ZNF689: variants seen among roughly 807,000 people sequenced by gnomAD.
ZNF689 encodes the protein zinc finger protein 689.
Under a neutral mutation model 37.2 loss-of-function variants are expected in ZNF689, and 14 were observed. The ratio of observed to expected loss-of-function variants is 0.38; its 90% CI spans 0.25 to 0.59. The LOEUF is 0.59. ZNF689 is among the 20% of genes least tolerant of loss of function. The probability of loss-of-function intolerance (pLI) is 0.68; values close to 1 mark genes in which losing one functional copy is unlikely to be tolerated. For missense variants in ZNF689, 573 were observed against 700.2 expected, an observed-to-expected ratio of 0.82 and a Z score of 2.05; for synonymous variants, 277 against 283.3, an observed-to-expected ratio of 0.98 and a Z score of 0.22.
intron 2 of ZNF689, among the ~76,000 whole-genome samples, chr16:30,607,947 G>T (rs2151245744): frequency 6.6e-6 from 1 of 152,328 alleles, no homozygotes; most frequent in East Asian, 1.9e-4. Flanking sequence ...GGGCAACAGA[G>T]CAAGACTCCG....
chr16:30,605,101 C>T lies in ZNF689; in HGVS notation c.666G>A (p.Gln222=). The change falls in exon 3 of 3, where the codon CAG becomes CAA. Residue 222 remains glutamine (Q), a synonymous_variant. Coordinates refer to ENST00000287461, the MANE Select transcript of ZNF689 (RefSeq NM_138447.3). The surrounding 1 kb of genome is among the most constrained non-coding windows in gnomAD (Gnocchi z 5.1). ...TCTCCCCTGTATGGATGACCTGGTG[C>T]TGGGAGAGGTTCTTGCGCTGGGAGA... ...KRFSQRKNLS[Q]HQVIHTGEKP... 6.2e-7 allele frequency: 1 copy of T among 1,614,088 alleles called. No homozygotes were observed. The highest frequency in any genetic ancestry group is 1.3e-5 in the African/African-American group (1 of 75,008).
Position 30,606,788 on chromosome 16 carries a change from T to G in ZNF689, c.320-1341A>C, listed in dbSNP as rs549937517. 2.0e-5 allele frequency among the ~76,000 whole-genome samples: 3 copies of G among 150,934 alleles called. No individual in the cohort carries two copies. In the East Asian group the frequency reaches 6.1e-4, roughly 31 times the overall value. On this transcript the variant is annotated intron_variant, in intron 2 of 2. Coordinates refer to ENST00000287461, the MANE Select transcript of ZNF689 (RefSeq NM_138447.3). ...AAGTGACTACAGGCGTGAGCCACCA[T>G]GCCCAGCTCACCTTTCTTATACAAA...
rs528245929 is a variant in ZNF689 at position 30,604,286 on chromosome 16, C to T, written c.1481G>A (p.Ser494Asn). 6.2e-7 allele frequency: 1 copy of T among 1,614,150 alleles called. No homozygotes were observed. The highest frequency in any genetic ancestry group is 8.5e-7 in the Non-Finnish European group (1 of 1,180,030). Residue 494 changes from serine (S) to asparagine (N), a missense_variant, in exon 3 of 3, where the codon AGT (serine) becomes AAT (asparagine). Ser to Asn is a conservative substitution (Grantham distance 46, BLOSUM62 1). This residue lies in a region of ZNF689 where 317 missense variants were observed against 367.1 expected (regional missense o/e 0.86). Coordinates refer to ENST00000287461, the MANE Select transcript of ZNF689 (RefSeq NM_138447.3). The surrounding 1 kb of genome is among the most constrained non-coding windows in gnomAD (Gnocchi z 5.2). ...CTTCTAATGGGCGTTGCCCCTCTGA[C>T]TGGAGCCCCCGATAGCAGATCTAGG... Reference protein sequence around the residue: ...CSPRSAIGGSSQRGNAH With the variant: ...CSPRSAIGGSNQRGNAH
Position 30,605,325 on chromosome 16 carries a change from C to A in ZNF689, c.442G>T (p.Gly148Cys), listed in dbSNP as rs1277533666. Residue 148 changes from glycine (G) to cysteine (C), a missense_variant, in exon 3 of 3, where the codon GGC becomes TGC. Coordinates refer to ENST00000287461, the MANE Select transcript of ZNF689 (RefSeq NM_138447.3). The surrounding 1 kb of genome is among the most constrained non-coding windows in gnomAD (Gnocchi z 5.1). ...CAGCCGCAGTCAGGGCAGATGGGGC[C>A]CCCGGACGTCTGCCTAGGAATCAGT... ...PRLIPRQTSGGPICPDCGCTF... is the reference protein window; with the variant it reads ...PRLIPRQTSGCPICPDCGCTF... 13 of 1,612,622 alleles carry A rather than the reference C, an allele frequency of 8.1e-6. No individual in the cohort carries two copies. The highest frequency in any genetic ancestry group is 1.0e-5 in the Non-Finnish European group (12 of 1,179,234).
Position 30,604,059 on chromosome 16 carries a change from T to C in ZNF689, c.*205A>G. 1 of 718,338 alleles carries C rather than the reference T, an allele frequency of 1.4e-6. No homozygotes were observed. The highest frequency in any genetic ancestry group is 2.0e-5 in the Admixed American group (1 of 49,896). 44.5% of individuals were successfully genotyped at this position (718,338 alleles called of 1,614,324 possible). Reference sequence around the variant, plus strand: ...TAGGATAGGGTAGCTTGGAAAACTTTAAGCAAATGACGTCACCTCTCCTAA... The same window carrying C: ...TAGGATAGGGTAGCTTGGAAAACTTCAAGCAAATGACGTCACCTCTCCTAA... On this transcript the variant is annotated 3_prime_UTR_variant, in exon 3 of 3. Transcript: ENST00000287461. The surrounding 1 kb of genome is among the most constrained non-coding windows in gnomAD (Gnocchi z 5.2).
In ZNF689 at chr16:30,604,354, A is replaced by C. The variant is rs745382044; in HGVS notation, c.1413T>G (p.Ser471=). ...ECGRCFRQRW[S]LAVHKCSPKA... The stretch of plus-strand genomic sequence containing the variant: ...TGGGGCTACACTTGTGGACAGCCAG[A>C]GACCACCTCTGGCGGAAGCACCGGC... The change falls in exon 3 of 3, where the codon TCT becomes TCG. Residue 471 remains serine, a synonymous_variant. Coordinates refer to ENST00000287461, the MANE Select transcript of ZNF689 (RefSeq NM_138447.3). The surrounding 1 kb of genome is among the most constrained non-coding windows in gnomAD (Gnocchi z 5.2). The C allele has an allele frequency of 4.3e-6, 7 of 1,613,630 alleles. No homozygotes were observed. The African/African-American group carries it at 9.3e-5, about 22-fold the overall frequency.
chr16:30,610,175 T>C lies in ZNF689; in HGVS notation c.-134A>G, dbSNP rs2052083536. 2 of 1,095,264 alleles carry C rather than the reference T, an allele frequency of 1.8e-6. No individual in the cohort carries two copies. Among genetic ancestry groups the C allele is most frequent in the Non-Finnish European group, 2.5e-6 (2 of 789,442 alleles). 67.8% of individuals were successfully genotyped at this position (1,095,264 alleles called of 1,614,324 possible). A position where few individuals can be genotyped will look rare whatever the true frequency, so the allele number is the denominator to read the frequency against. On this transcript the variant is annotated 5_prime_UTR_variant, in exon 1 of 3. Transcript: ENST00000287461. ...CGGGGAGGCCCGGAGGGAATCGGAATTGGTCGCCCGCGGGGCTAACGGAAA... is the reference window on the plus strand; with the variant it reads ...CGGGGAGGCCCGGAGGGAATCGGAACTGGTCGCCCGCGGGGCTAACGGAAA...
chr16:30,607,247 T>C (rs1483887578), intron 2 of ZNF689, among the ~76,000 whole-genome samples: 21 of 47,858 alleles, frequency 4.4e-4, no homozygotes, highest in African/African-American at 1.8e-3. Context: ...AGACTCCATC[T>C]CAAAAAAAAA....
At position 30,604,269 on chromosome 16, in the gene ZNF689, G is replaced by A. The variant is rs560780909; in HGVS notation, c.1498C>T (p.His500Tyr). 5 of 1,614,112 alleles carry A rather than the reference G, an allele frequency of 3.1e-6. No homozygotes were observed. The highest frequency in any genetic ancestry group is 1.6e-4 in the Middle Eastern group (1 of 6,062). The part of the protein sequence containing the change: ...IGGSSQRGNA[H>Y] ...CGTAGGCAGTCCTTCCCCTTCTAAT[G>A]GGCGTTGCCCCTCTGACTGGAGCCC... The change falls in exon 3 of 3, where the codon CAT (histidine) becomes TAT (tyrosine). Residue 500 changes from histidine to tyrosine, a missense_variant. Around this residue, in one of 3 missense-constraint regions of ZNF689, gnomAD observed 317 missense variants for 367.1 expected, o/e 0.86. Coordinates refer to ENST00000287461, the MANE Select transcript of ZNF689 (RefSeq NM_138447.3). The surrounding 1 kb of genome is among the most constrained non-coding windows in gnomAD (Gnocchi z 5.2).
chr16:30,610,145 G>A lies in ZNF689; in HGVS notation c.-104C>T. ...AGCCCCTGCCGGACCAGGGCTGAGC[G>A]TGGCCGGGGAGGCCCGGAGGGAATC... On this transcript the variant is annotated 5_prime_UTR_variant, in exon 1 of 3. The change creates a new upstream start codon in the 5' untranslated region. Transcript: ENST00000287461. 1 of 1,364,522 alleles carries A rather than the reference G, an allele frequency of 7.3e-7. No individual in the cohort carries two copies. The allele number at this position is 1,364,522 out of a possible 1,614,324, so 84.5% of individuals were successfully genotyped here.
At chr16:30,607,248 C>CAAA (rs758625831) in intron 2 of ZNF689, among the ~76,000 whole-genome samples, 5 of 18,582 alleles carry the variant, frequency 2.7e-4, no homozygotes, top group Admixed American at 5.9e-4. Context: ...GACTCCATCT[C>CAAA]AAAAAAAAAA....
Position 30,609,539 on chromosome 16 carries a change from A to G in ZNF689, c.305T>C (p.Leu102Pro). ...ALDPQEYPRG[L>P]TVQRKSRTRK... is the part of the protein sequence containing the mutation. ...TTAGCACTCACTTCTCTGGACTGTT[A>G]GCCCTCTCGGGTACTCCTGCGGATC... The change falls in exon 2 of 3, where the codon CTA becomes CCA. Residue 102 changes from leucine to proline, a missense_variant. Around this residue, in one of 3 missense-constraint regions of ZNF689, gnomAD observed 252 missense variants for 313.3 expected, o/e 0.80. Transcript: ENST00000287461. 2 of 1,614,084 alleles carry G rather than the reference A, an allele frequency of 1.2e-6. No individual in the cohort carries two copies. Among genetic ancestry groups the G allele is most frequent in the Non-Finnish European group, 1.7e-6 (2 of 1,180,000 alleles).
chr16:30,607,278 T>G (rs1174304824), intron 2 of ZNF689, among the ~76,000 whole-genome samples: 3 of 124,018 alleles, frequency 2.4e-5, no homozygotes, highest in Non-Finnish European at 3.4e-5. Flanking sequence ...AAAAAAAGAA[T>G]TAAAATTATG....
Position 30,604,649 on chromosome 16 carries a change from T to C in ZNF689, c.1118A>G (p.Tyr373Cys), listed in dbSNP as rs2052017132. The change falls in exon 3 of 3, where the codon TAC becomes TGC. Residue 373 changes from tyrosine (Y) to cysteine (C), a missense_variant. By Grantham distance (194) the Tyr-to-Cys change is radical. Transcript: ENST00000287461. This position sits in a 1 kb window ranked among gnomAD's most constrained non-coding sequence, Gnocchi z 5.2. Reference protein sequence around the residue: ...HQLLHTGEKPYPCPDCGRAFR... With the variant: ...HQLLHTGEKPCPCPDCGRAFR... ...GGCACGCCCACAGTCTGGGCAGGGGTAGGGCTTCTCTCCGGTGTGCAAGAG... is the reference window on the plus strand; with the variant it reads ...GGCACGCCCACAGTCTGGGCAGGGGCAGGGCTTCTCTCCGGTGTGCAAGAG... 1 of 1,610,976 alleles carries C rather than the reference T, an allele frequency of 6.2e-7. No homozygotes were observed. The highest frequency in any genetic ancestry group is 2.2e-5 in the East Asian group (1 of 44,778).
chr16:30,609,307 C>G, intron 2 of ZNF689: 1 of 278,350 alleles, frequency 3.6e-6, no homozygotes, highest in South Asian at 6.1e-5. Context: ...AATAAGCCCA[C>G]TGATTCATTC....
At position 30,604,904 on chromosome 16, in the gene ZNF689, G is replaced by A; in HGVS notation, c.863C>T (p.Pro288Leu). ...IHQRTHTGEK[P>L]YTCLECNRRF... ...GCGGTTGCACTCGAGGCAAGTGTAG[G>A]GCTTCTCTCCCGTGTGTGTACGCTG... Residue 288 changes from proline (P) to leucine (L), a missense_variant, in exon 3 of 3, where the codon CCC (proline) becomes CTC (leucine). Coordinates refer to ENST00000287461, the MANE Select transcript of ZNF689 (RefSeq NM_138447.3). The surrounding 1 kb of genome is among the most constrained non-coding windows in gnomAD (Gnocchi z 5.2). 1.9e-6 allele frequency: 3 copies of A among 1,576,368 alleles called. No homozygotes were observed. Among genetic ancestry groups the A allele is most frequent in the Non-Finnish European group, 2.6e-6 (3 of 1,161,044 alleles).
rs149070011 is a variant in ZNF689, at chr16:30,604,335, T to C, written c.1432A>G (p.Ser478Gly). 3.7e-6 allele frequency: 6 copies of C among 1,613,908 alleles called. No individual in the cohort carries two copies. In the South Asian group the frequency reaches 5.5e-5, roughly 15 times the overall value. The change falls in exon 3 of 3, where the codon AGC becomes GGC. Residue 478 changes from serine to glycine, a missense_variant. Physicochemically the swap from Ser to Gly is moderately conservative, Grantham distance 56 (BLOSUM62 0). This residue lies in a region of ZNF689 where 317 missense variants were observed against 367.1 expected (regional missense o/e 0.86). Transcript: ENST00000287461. This position sits in a 1 kb window ranked among gnomAD's most constrained non-coding sequence, Gnocchi z 5.2. ...GGGCTACAGTTTGGGGCCTTGGGGC[T>C]ACACTTGTGGACAGCCAGAGACCAC... ...QRWSLAVHKC[S>G]PKAPNCSPRS...
In ZNF689 at chr16:30,604,762, G is replaced by C; in HGVS notation, c.1005C>G (p.His335Gln). 6.2e-7 allele frequency: 1 copy of C among 1,608,456 alleles called. No individual in the cohort carries two copies. The highest frequency in any genetic ancestry group is 8.5e-7 in the Non-Finnish European group (1 of 1,177,884). ...GACGCTCCCCAGAGTGCACACGCCG[G>C]TGACTGACCAGGCGAGAGGAGGAGG... ...RFSSSSRLVS[H>Q]RRVHSGERPY... Residue 335 changes from histidine to glutamine, a missense_variant, in exon 3 of 3, where the codon CAC (histidine) becomes CAG (glutamine). Physicochemically the swap from His to Gln is conservative, Grantham distance 24. Around this residue, in one of 3 missense-constraint regions of ZNF689, gnomAD observed 317 missense variants for 367.1 expected, o/e 0.86. Coordinates refer to ENST00000287461, the MANE Select transcript of ZNF689 (RefSeq NM_138447.3). This position sits in a 1 kb window ranked among gnomAD's most constrained non-coding sequence, Gnocchi z 5.2.
Position 30,609,817 on chromosome 16 carries a change from G to A in ZNF689, c.205+20C>T. Reference sequence around the variant, plus strand: ...CTGCATCCCTTCGCGCCCCGCGGCAGCGGATGGGGCCGGCCTCACCGAGCG... The same window carrying A: ...CTGCATCCCTTCGCGCCCCGCGGCAACGGATGGGGCCGGCCTCACCGAGCG... On this transcript the variant is annotated intron_variant, in intron 1 of 2. Coordinates refer to ENST00000287461, the MANE Select transcript of ZNF689 (RefSeq NM_138447.3). 1 of 1,588,696 alleles carries A rather than the reference G, an allele frequency of 6.3e-7. No individual in the cohort carries two copies.
Sources: gnomAD v4.1 joint callset for allele counts (sites outside exome capture counted in the v4.1 genomes callset) on GRCh38, gnomAD v4.1.1 for gene constraint, gnomAD v4.1.1 regional missense constraint, Gnocchi (gnomAD v3.1) non-coding constraint, MANE v1.5 for transcripts, NCBI Gene and HGNC (gene_info 2026-07-23, HGNC 2026-07-21) for gene names.